The following DENND3 variants were observed in gnomAD, a reference collection of about 807,000 sequenced individuals.
The protein encoded by DENND3 is DENN domain containing 3.
Under a neutral mutation model 135.1 loss-of-function variants are expected in DENND3, and 88 were observed. The ratio of observed to expected loss-of-function variants is 0.65; its 90% confidence interval spans 0.55 to 0.78. The LOEUF (loss-of-function observed/expected upper bound fraction) is 0.78. Among genes scored for constraint, DENND3 ranks in the 30% least tolerant of loss-of-function variants. DENND3 has a pLI of 0.00. For synonymous variants in DENND3, 693 were observed against 712.3 expected, an observed-to-expected ratio of 0.97 and a Z score of 0.43; for missense variants, 1,392 against 1,688.4, an observed-to-expected ratio of 0.82 and a Z score of 3.08.
intron 22 of DENND3, chr8:141,192,918 A>C: frequency 7.0e-7 from 1 of 1,438,020 alleles, no homozygotes; most frequent in East Asian, 2.8e-5. Flanking sequence ...ACAGAACTTA[A>C]TTTTCTCACA....
chr8:141,172,178 G>A (rs942106407), intron 13 of DENND3, among the ~76,000 whole-genome samples: 21 of 148,250 alleles, frequency 1.4e-4, no homozygotes, highest in Non-Finnish European at 2.7e-4. Flanking sequence ...TGCACAGTGT[G>A]GGTGTACACT....
At chr8:141,158,238 C>G in intron 8 of DENND3, 2 of 1,289,246 alleles carry the variant, frequency 1.6e-6, no homozygotes, top group Non-Finnish European at 2.0e-6. Flanking sequence ...GTCCTCTGCG[C>G]GAACTTTGAA....
At chr8:141,193,808 G>A (rs962061127) in intron 22 of DENND3, 12 of 589,968 alleles carry the variant, frequency 2.0e-5, no homozygotes, top group East Asian at 1.1e-4. Flanking sequence ...TTTCCAGCAC[G>A]CAGTGCAGTC....
Position 141,182,008 on chromosome 8 carries a change from G to C in DENND3, c.2944+1154G>C, listed in dbSNP as rs965213231. On this transcript the variant is annotated intron_variant, in intron 17 of 22. Coordinates refer to ENST00000519811, the MANE Select transcript of DENND3 (RefSeq NM_001352890.3). The surrounding 1 kb of genome is among the most constrained non-coding windows in gnomAD (Gnocchi z 5.9). ...GGGGTTTCGCCATGTTGCCTAGGCT[G>C]ATCTCGAACTCCTGGGCTCAAGCGA... Among the ~76,000 whole-genome samples the C allele has an allele frequency of 6.6e-6, 1 of 152,120 alleles. No homozygotes were observed. The highest frequency in any genetic ancestry group is 1.5e-5 in the Non-Finnish European group (1 of 68,010).
chr8:141,191,230 T>TGTCA (rs1190785382), intron 20 of DENND3: 6 of 152,294 alleles, frequency 3.9e-5, no homozygotes, highest in Non-Finnish European at 8.8e-5. Context: ...CTCTTAGTTC[T>TGTCA]GTCATCTGAA....
chr8:141,185,223 A>G lies in DENND3; in HGVS notation c.3029A>G (p.Asn1010Ser), dbSNP rs375890251. 2.6e-5 allele frequency: 42 copies of G among 1,614,100 alleles called. No individual in the cohort carries two copies. The highest frequency in any genetic ancestry group is 1.3e-4 in the Admixed American group (8 of 60,006). ...AGCGAAGGCAAGGTGACCGTGTTCAATGCTTCTTCATGGACCATCCACCAG... is the reference window on the plus strand; with the variant it reads ...AGCGAAGGCAAGGTGACCGTGTTCAGTGCTTCTTCATGGACCATCCACCAG... ...ALSEGKVTVFNASSWTIHQHS... is the reference protein window; with the variant it reads ...ALSEGKVTVFSASSWTIHQHS... Residue 1010 changes from asparagine (N) to serine (S), a missense_variant, in exon 18 of 23, where the codon AAT becomes AGT. Asn to Ser is a conservative substitution (Grantham distance 46, BLOSUM62 1). Coordinates refer to ENST00000519811, the MANE Select transcript of DENND3 (RefSeq NM_001352890.3).
Position 141,175,137 on chromosome 8 carries a change from G to A in DENND3, c.2276-63G>A. Reference sequence around the variant, plus strand: ...TGCGGTTTCTTCAGGTCATGGAGAAGCCCTTGGGGCTCCCGAGGTATGTGG... The same window carrying A: ...TGCGGTTTCTTCAGGTCATGGAGAAACCCTTGGGGCTCCCGAGGTATGTGG... On this transcript the variant is annotated intron_variant, in intron 13 of 22. Coordinates refer to ENST00000519811, the MANE Select transcript of DENND3 (RefSeq NM_001352890.3). This position sits in a 1 kb window ranked among gnomAD's most constrained non-coding sequence, Gnocchi z 5.4. 2 of 1,538,358 alleles carry A rather than the reference G, an allele frequency of 1.3e-6. No individual in the cohort carries two copies. The highest frequency in any genetic ancestry group is 1.7e-6 in the Non-Finnish European group (2 of 1,143,628).
At position 141,146,196 on chromosome 8, in the gene DENND3, T is replaced by G. The variant is rs1395881474; in HGVS notation, c.735+1937T>G. Among the ~76,000 whole-genome samples the G allele has an allele frequency of 6.6e-6, 1 of 152,204 alleles. No individual in the cohort carries two copies. Among genetic ancestry groups the G allele is most frequent in the African/African-American group, 2.4e-5 (1 of 41,450 alleles). ...GTTTTCTCTTGTACAGTGTGATTAA[T>G]GAGAAGTAACTGGTTTTATATTTTT... On this transcript the variant is annotated intron_variant, in intron 5 of 22. Transcript: ENST00000519811. This position sits in a 1 kb window ranked among gnomAD's most constrained non-coding sequence, Gnocchi z 4.3.
At chr8:141,165,464 CTTT>C (rs761618969) in intron 11 of DENND3, among the ~76,000 whole-genome samples, 175 bp downstream of exon 11, 9 of 139,358 alleles carry the variant, frequency 6.5e-5, no homozygotes, top group Admixed American at 7.1e-5. Flanking sequence ...TCTACTTCTT[CTTT>C]TTTTTTTTTT....
At position 141,185,697 on chromosome 8, in the gene DENND3, G is replaced by A. The variant is rs1451426003; in HGVS notation, c.3084+419G>A. On this transcript the variant is annotated intron_variant, in intron 18 of 22. Coordinates refer to ENST00000519811, the MANE Select transcript of DENND3 (RefSeq NM_001352890.3). ...AAAAATTAGCCGGGCATGGTGGAGC[G>A]TGCCTGTAGTCCCAGTTACTTGGGA... Among the ~76,000 whole-genome samples, 6 of 151,652 alleles carry A rather than the reference G, an allele frequency of 4.0e-5. No individual in the cohort carries two copies. In the East Asian group the frequency reaches 5.9e-4, roughly 15 times the overall value.
intron 1 of DENND3, among the ~76,000 whole-genome samples, chr8:141,132,881 C>G (rs1429955885): frequency 1.3e-5 from 2 of 152,162 alleles, no homozygotes; most frequent in Non-Finnish European, 2.9e-5. Context: ...GAGCATGCCT[C>G]TAAGAGATCA....
At chr8:141,177,911 A>G (rs1822603308) in intron 15 of DENND3, 156 bp from the exon 16 acceptor site, 1 of 903,928 alleles carries the variant, frequency 1.1e-6, no homozygotes, top group South Asian at 2.3e-5. Context: ...GAAGAAATAT[A>G]TGACATAAAA....
chr8:141,160,282 G>A (rs561904816), intron 8 of DENND3, among the ~76,000 whole-genome samples: 1 of 151,492 alleles, frequency 6.6e-6, no homozygotes, highest in South Asian at 2.1e-4. Context: ...AGGTTCAAGC[G>A]ATTCTCCTGG....
chr8:141,135,663 G>A (rs1816706155), intron 1 of DENND3, among the ~76,000 whole-genome samples: 1 of 152,166 alleles, frequency 6.6e-6, no homozygotes, highest in Non-Finnish European at 1.5e-5. Context: ...TATTTGTTTT[G>A]TCCTAGCTCT....
chr8:141,172,169 GCA>G (rs990408836), intron 13 of DENND3, among the ~76,000 whole-genome samples: 9 of 150,704 alleles, frequency 6.0e-5, no homozygotes, highest in African/African-American at 2.4e-5. Flanking sequence ...CTGTGGGCGT[GCA>G]CAGTGTGGGT....
At chr8:141,181,183 G>A (rs529992797) in intron 17 of DENND3, among the ~76,000 whole-genome samples, 3 of 152,232 alleles carry the variant, frequency 2.0e-5, no homozygotes, top group Admixed American at 2.0e-4. Flanking sequence ...TTTTTGAGAC[G>A]GAGTCTTGCT....
rs1274104567 is a variant in DENND3, at chr8:141,136,760, C to G, written c.354C>G (p.Asp118Glu). 6.3e-7 allele frequency: 1 copy of G among 1,589,094 alleles called. No individual in the cohort carries two copies. The highest frequency in any genetic ancestry group is 1.7e-4 in the Middle Eastern group (1 of 5,886). The change falls in exon 2 of 23, where the codon GAC becomes GAG. Residue 118 changes from aspartate to glutamate, a missense_variant. Physicochemically the swap from Asp to Glu is conservative, Grantham distance 45. Coordinates refer to ENST00000519811, the MANE Select transcript of DENND3 (RefSeq NM_001352890.3). ...ATGTCGCCGTCCCGGGCGGCGTGGA[C>G]CTCCTCACCCTGCCGCAGCTGTGCT... is the stretch of plus-strand genomic sequence containing the variant. ...PEDVAVPGGVDLLTLPQLCFP... is the reference protein window; with the variant it reads ...PEDVAVPGGVELLTLPQLCFP...
In DENND3 at chr8:141,138,226, C is replaced by A; in HGVS notation, c.501+89C>A. 7.4e-7 allele frequency: 1 copy of A among 1,352,562 alleles called. No individual in the cohort carries two copies. Among genetic ancestry groups the A allele is most frequent in the Non-Finnish European group, 1.0e-6 (1 of 972,834 alleles). 83.8% of individuals were successfully genotyped at this position (1,352,562 alleles called of 1,614,324 possible). ...CATAACACAACATTCACCATTCTAA[C>A]CATTTTAAAGTGTGCAGTTCCGTAA... is the stretch of plus-strand genomic sequence containing the variant. On this transcript the variant is annotated intron_variant, in intron 3 of 22. Coordinates refer to ENST00000519811, the MANE Select transcript of DENND3 (RefSeq NM_001352890.3). The surrounding 1 kb of genome is among the most constrained non-coding windows in gnomAD (Gnocchi z 4.8).
At position 141,136,795 on chromosome 8, in the gene DENND3, T is replaced by C. The variant is rs1816844890; in HGVS notation, c.385+4T>C. On this transcript the variant is annotated splice_donor_region_variant and intron_variant, in intron 2 of 22. Coordinates refer to ENST00000519811, the MANE Select transcript of DENND3 (RefSeq NM_001352890.3). ...CTGCCGCAGCTGTGCTTCCCAGGTA[T>C]GTCTAGGAGGTGGGCACCACTGGGC... 2 of 1,565,254 alleles carry C rather than the reference T, an allele frequency of 1.3e-6. No homozygotes were observed. Among genetic ancestry groups the C allele is most frequent in the Non-Finnish European group, 8.6e-7 (1 of 1,156,608 alleles).
Sources: gnomAD v4.1 joint callset for allele counts (sites outside exome capture counted in the v4.1 genomes callset) on GRCh38, gnomAD v4.1.1 for gene constraint, Gnocchi (gnomAD v3.1) non-coding constraint, MANE v1.5 for transcripts, NCBI Gene and HGNC (gene_info 2026-07-23, HGNC 2026-07-21) for gene names.